Variants in PID1 observed in about 807,000 individuals in gnomAD.
PID1 encodes the protein PTB-containing, cubilin and LRP1-interacting protein.
In PID1, 10 loss-of-function variants were observed where a neutral mutation model predicts 19.1. The ratio of observed to expected loss-of-function variants is 0.52; its 90% confidence interval spans 0.32 to 0.89. PID1 has a LOEUF of 0.89. Ranked by LOEUF, PID1 falls within the 40% of genes least tolerant of loss-of-function variation. The pLI, the probability that PID1 is intolerant of heterozygous loss-of-function variation, is 0.03. For synonymous variants in PID1, 130 were observed against 116.0 expected (o/e 1.12, Z -0.78); for missense variants, 248 against 285.3 (o/e 0.87, Z 0.94).
chr2:229,233,165 G>A (rs2106269047), intron 1 of PID1, among the ~76,000 whole-genome samples: 1 of 152,194 alleles, frequency 6.6e-6, no homozygotes, highest in South Asian at 2.1e-4. Flanking sequence ...ATCTTTGTTA[G>A]AAAATAAAAA....
intron 2 of PID1, among the ~76,000 whole-genome samples, chr2:229,031,209 C>G (rs1388870355): frequency 3.7e-5 from 1 of 26,932 alleles, no homozygotes; most frequent in Non-Finnish European, 7.6e-5. Context: ...TAACGAGACT[C>G]TGTCTCAAAA....
At chr2:229,036,690 A>G (rs2191839) in intron 2 of PID1, among the ~76,000 whole-genome samples, 92,671 of 151,954 alleles carry the variant, frequency 0.61, 28,465 homozygotes, top group African/African-American at 0.69. Flanking sequence ...GGAGGTGGCC[A>G]TGAGCTGAAA....
chr2:229,077,457 C>T (rs1694580772), intron 2 of PID1, among the ~76,000 whole-genome samples: 1 of 152,132 alleles, frequency 6.6e-6, no homozygotes, highest in Admixed American at 6.5e-5. Context: ...GAAGTCTTTG[C>T]CCAGGCCTAT....
chr2:229,259,137 T>C (rs1690389777), intron 1 of PID1, among the ~76,000 whole-genome samples: 1 of 151,118 alleles, frequency 6.6e-6, no homozygotes, highest in Non-Finnish European at 1.5e-5. Context: ...ACCTAATGAC[T>C]AATGACATTG....
intron 2 of PID1, among the ~76,000 whole-genome samples, chr2:229,032,990 C>T (rs1296158714): frequency 6.6e-6 from 1 of 152,140 alleles, no homozygotes; most frequent in African/African-American, 2.4e-5. Flanking sequence ...CATGAGTTTT[C>T]CAACACCCCA....
rs527397611 is a variant in PID1, at chr2:229,169,670, C to T, written c.31-13706G>A. Among the ~76,000 whole-genome samples the T allele has an allele frequency of 4.6e-5, 7 of 152,282 alleles. No homozygotes were observed. The South Asian group carries it at 1.5e-3, about 32-fold the overall frequency. ...TTTCCAACTCAGATAATTACGTTTT[C>T]ATGAATACTGACTATCTGGTTGTGG... On this transcript the variant is annotated intron_variant, in intron 1 of 2. Transcript: ENST00000392055.
chr2:229,150,255 A>C (rs1270352890), intron 2 of PID1, among the ~76,000 whole-genome samples: 1 of 150,084 alleles, frequency 6.7e-6, no homozygotes, highest in Non-Finnish European at 1.5e-5. Flanking sequence ...GGAGAGAGAG[A>C]GAGAAAGAAA....
intron 1 of PID1, among the ~76,000 whole-genome samples, chr2:229,172,804 TC>T (rs1310139248): frequency 1.3e-5 from 2 of 152,146 alleles, no homozygotes; most frequent in Non-Finnish European, 2.9e-5. Context: ...TAATCTCAGC[TC>T]ACTGTAACCT....
intron 2 of PID1, among the ~76,000 whole-genome samples, chr2:229,095,410 C>T (rs59170897): frequency 7.2e-4 from 110 of 152,216 alleles, no homozygotes; most frequent in African/African-American, 2.6e-3. Flanking sequence ...TTTGCATTTT[C>T]GGACAAAGGC....
chr2:229,137,645 A>G (rs555103486), intron 2 of PID1, among the ~76,000 whole-genome samples: 1 of 152,362 alleles, frequency 6.6e-6, no homozygotes, highest in Admixed American at 6.5e-5. Flanking sequence ...ACTTACAAAA[A>G]TAAATAAAGT....
intron 2 of PID1, among the ~76,000 whole-genome samples, chr2:229,088,228 G>C (rs762922230): frequency 1.3e-5 from 2 of 152,178 alleles, no homozygotes; most frequent in Non-Finnish European, 2.9e-5. Flanking sequence ...GAGGAAGGTA[G>C]GCAACAATTT....
intron 1 of PID1, among the ~76,000 whole-genome samples, chr2:229,200,536 A>G (rs1691477019): frequency 6.6e-6 from 1 of 152,010 alleles, no homozygotes; most frequent in Non-Finnish European, 1.5e-5. Context: ...GAGCAACTGT[A>G]TCTGCCACCC....
At chr2:229,109,321 T>A (rs1179360698) in intron 2 of PID1, among the ~76,000 whole-genome samples, 3 of 152,172 alleles carry the variant, frequency 2.0e-5, no homozygotes, top group African/African-American at 7.2e-5. Flanking sequence ...TAATATAGTG[T>A]ATTTCTGTGT....
chr2:229,218,293 C>CAAAAAAA (rs67801043), intron 1 of PID1, among the ~76,000 whole-genome samples: 1 of 67,598 alleles, frequency 1.5e-5, no homozygotes, highest in Non-Finnish European at 2.6e-5. Context: ...GTTTCCTGAG[C>CAAAAAAA]AAAAAAAAAA....
At chr2:229,215,254 A>G (rs1397517345) in intron 1 of PID1, among the ~76,000 whole-genome samples, 2 of 152,174 alleles carry the variant, frequency 1.3e-5, no homozygotes, top group Non-Finnish European at 2.9e-5. Context: ...GAGGCTGAAC[A>G]CTTTTATGCA....
chr2:229,195,838 A>T (rs1347955478), intron 1 of PID1, among the ~76,000 whole-genome samples: 1 of 152,090 alleles, frequency 6.6e-6, no homozygotes, highest in Admixed American at 6.6e-5. Context: ...AGAGCATTAC[A>T]GAGTCTTAAT....
At chr2:229,269,366 G>A (rs143879379) in intron 1 of PID1, among the ~76,000 whole-genome samples, 39 of 152,362 alleles carry the variant, frequency 2.6e-4, no homozygotes, top group African/African-American at 9.1e-4. Flanking sequence ...GCAAGCGAGA[G>A]CGCCCACCTG....
chr2:229,066,966 A>T (rs1441861983), intron 2 of PID1, among the ~76,000 whole-genome samples: 1 of 152,156 alleles, frequency 6.6e-6, no homozygotes, highest in African/African-American at 2.4e-5. Context: ...GACTGTTCTC[A>T]CACTGCTATG....
chr2:229,206,290 T>C (rs563670425), intron 1 of PID1, among the ~76,000 whole-genome samples: 21 of 147,382 alleles, frequency 1.4e-4, no homozygotes, highest in African/African-American at 5.1e-4. Flanking sequence ...CTAGCAACTA[T>C]CAAGACTAAT....
Sources: gnomAD v4.1 joint callset for allele counts (sites outside exome capture counted in the v4.1 genomes callset) on GRCh38, gnomAD v4.1.1 for gene constraint, MANE v1.5 for transcripts, NCBI Gene and HGNC (gene_info 2026-07-23, HGNC 2026-07-21) for gene names.